Variants in MSN observed in about 807,000 individuals in gnomAD.
The protein encoded by MSN is epididymis luminal protein 70.
In MSN, 2 loss-of-function variants were observed where a neutral mutation model predicts 48.0. That is an observed-to-expected ratio of 0.04 (90% CI 0.02 to 0.13). The LOEUF (loss-of-function observed/expected upper bound fraction) is 0.13, where lower values mean the gene tolerates loss of function less well. Among genes scored for constraint, MSN ranks in the 10% least tolerant of loss-of-function variants. The probability of loss-of-function intolerance (pLI) is 1.00; values close to 1 mark genes in which losing one functional copy is unlikely to be tolerated. For synonymous variants in MSN, 146 were observed against 166.9 expected (o/e 0.87, Z 0.97); for missense variants, 267 against 470.1 (o/e 0.57, Z 3.99).
At chrX:65,667,643 G>A, upstream of MSN, 2 of 1,019,513 alleles carry the variant, frequency 2.0e-6, no homozygotes, top group Non-Finnish European at 1.3e-6. Context: ...AGCGGGCGGC[G>A]CGACAGGGGC....
intron 1 of MSN, among the ~76,000 whole-genome samples, chrX:65,631,328 A>C (rs759678621): frequency 9.0e-6 from 1 of 110,860 alleles, no homozygotes; most frequent in East Asian, 2.8e-4. Context: ...TCCTGACCTC[A>C]AATGATCTGC....
chrX:65,738,504 A>T (rs1569469150), intron 10 of MSN, 21 bp from the exon 11 acceptor site: 1 of 1,189,817 alleles, frequency 8.4e-7, no homozygotes, highest in Admixed American at 2.3e-5. Flanking sequence ...CAGCTCTCAC[A>T]GGCTTCCAAT....
At chrX:65,647,701 T>C (rs2070705203) in intron 1 of MSN, among the ~76,000 whole-genome samples, 1 of 111,878 alleles carries the variant, frequency 8.9e-6, no homozygotes, top group African/African-American at 3.2e-5. Context: ...GGGGGATGGA[T>C]TGGAGGAAGC....
At chrX:65,654,218 G>T (rs2070765068) in intron 1 of MSN, among the ~76,000 whole-genome samples, 1 of 105,255 alleles carries the variant, frequency 9.5e-6, no homozygotes, top group Non-Finnish European at 1.9e-5. Context: ...CCATTCTCCT[G>T]CCTCAGCCTC....
At chrX:65,683,753 C>T (rs979638634) in intron 1 of MSN, among the ~76,000 whole-genome samples, 1 of 110,632 alleles carries the variant, frequency 9.0e-6, no homozygotes, top group Non-Finnish European at 1.9e-5. Flanking sequence ...TAAATAAATA[C>T]AGACTTTGTT....
chrX:65,661,493 G>A (rs970797933), intron 1 of MSN, among the ~76,000 whole-genome samples: 2 of 112,046 alleles, frequency 1.8e-5, no homozygotes, highest in South Asian at 3.7e-4. Flanking sequence ...ACTTTTTGAC[G>A]TGCTGCTGGA....
chrX:65,701,967 C>T (rs1196444351), intron 1 of MSN, among the ~76,000 whole-genome samples: 2 of 108,689 alleles, frequency 1.8e-5, no homozygotes, highest in Non-Finnish European at 3.8e-5. Flanking sequence ...TGCATCCTTG[C>T]ATCCTTGATC....
At chrX:65,630,502 T>C (rs1371258246) in intron 1 of MSN, among the ~76,000 whole-genome samples, 1 of 111,343 alleles carries the variant, frequency 9.0e-6, no homozygotes, top group South Asian at 3.8e-4. Flanking sequence ...GGTGGGAAGA[T>C]CTTTTGAGCC....
At chrX:65,604,479 C>G (rs1383535795) in intron 1 of MSN, among the ~76,000 whole-genome samples, 1 of 112,154 alleles carries the variant, frequency 8.9e-6, no homozygotes, top group African/African-American at 3.2e-5. Flanking sequence ...TTAGGAAACA[C>G]TATGCATCAA....
intron 1 of MSN, among the ~76,000 whole-genome samples, chrX:65,640,997 T>C (rs757462810): frequency 9.2e-6 from 1 of 109,253 alleles, no homozygotes; most frequent in East Asian, 2.9e-4. Context: ...TAATTCCAGC[T>C]TCTTGGAAGG....
At chrX:65,688,879 A>C (rs2071144578) in intron 1 of MSN, among the ~76,000 whole-genome samples, 1 of 111,781 alleles carries the variant, frequency 8.9e-6, no homozygotes, top group Non-Finnish European at 1.9e-5. Flanking sequence ...CACCTGGTTG[A>C]GCCAATAACT....
At chrX:65,594,085 G>A (rs1274161580) in intron 1 of MSN, among the ~76,000 whole-genome samples, 1 of 111,782 alleles carries the variant, frequency 8.9e-6, no homozygotes, top group Non-Finnish European at 1.9e-5. Context: ...GAGAGGATCA[G>A]AATTATGGCA....
intron 1 of MSN, among the ~76,000 whole-genome samples, chrX:65,662,511 G>A (rs147605308): frequency 0.014 from 1,614 of 111,794 alleles, 36 homozygotes; most frequent in African/African-American, 0.049. Flanking sequence ...GATCTTTGAC[G>A]AGGTCGACAA....
chrX:65,733,385 T>C, intron 7 of MSN, 105 bp downstream of exon 7: 2 of 633,602 alleles, frequency 3.2e-6, no homozygotes, highest in Non-Finnish European at 5.1e-6. Context: ...TGTTTGTGTG[T>C]ACGTGTGTGC....
At chrX:65,639,356 G>A (rs1478233893) in intron 1 of MSN, among the ~76,000 whole-genome samples, 2 of 111,618 alleles carry the variant, frequency 1.8e-5, no homozygotes, top group East Asian at 2.8e-4. Flanking sequence ...TGTTGCCCAG[G>A]CTGGTCTCGA....
At chrX:65,623,134 T>C (rs1000169570) in intron 1 of MSN, among the ~76,000 whole-genome samples, 2 of 109,058 alleles carry the variant, frequency 1.8e-5, no homozygotes, top group Non-Finnish European at 3.8e-5. Flanking sequence ...ATCCTTTTAA[T>C]ATGTGACTAG....
chrX:65,641,739 A>G (rs967638122), intron 1 of MSN, among the ~76,000 whole-genome samples: 2 of 105,088 alleles, frequency 1.9e-5, no homozygotes, highest in African/African-American at 6.9e-5. Context: ...CATGTATCAA[A>G]ATTTAAAATT....
intron 3 of MSN, among the ~76,000 whole-genome samples, chrX:65,728,284 G>T (rs1014292896): frequency 1.8e-5 from 2 of 110,753 alleles, no homozygotes; most frequent in Non-Finnish European, 3.8e-5. Flanking sequence ...TGTTTTTTTT[G>T]TTTGTTTGTT....
chrX:65,716,834 C>T lies in MSN; in HGVS notation c.29C>T (p.Thr10Ile). 8.3e-7 allele frequency: 1 copy of T among 1,210,449 alleles called. No individual in the cohort carries two copies. The highest frequency in any genetic ancestry group is 1.8e-5 in the South Asian group (1 of 56,893). The change falls in exon 2 of 13, where the codon ACC (threonine) becomes ATC (isoleucine). Residue 10 changes from threonine to isoleucine, a missense_variant. By Grantham distance (89) the Thr-to-Ile change is moderately conservative (BLOSUM62 -1). Coordinates refer to ENST00000360270, the MANE Select transcript of MSN (RefSeq NM_002444.3). ...TCATCCTAGATCAGTGTGCGTGTGA[C>T]CACCATGGATGCAGAGCTGGAGTTT... MPKTISVRV[T>I]TMDAELEFAI...
Sources: gnomAD v4.1 joint callset for allele counts (sites outside exome capture counted in the v4.1 genomes callset) on GRCh38, gnomAD v4.1.1 for gene constraint, MANE v1.5 for transcripts, NCBI Gene and HGNC (gene_info 2026-07-23, HGNC 2026-07-21) for gene names.